FBXO15: variants seen among roughly 807,000 people sequenced by gnomAD.
FBXO15 encodes the protein F-box only protein 15.
A neutral mutation model predicts 49.5 loss-of-function variants in FBXO15; 30 were observed. The ratio of observed to expected loss-of-function variants is 0.61; its 90% CI spans 0.45 to 0.82. The LOEUF is 0.82. Among genes scored for constraint, FBXO15 ranks in the 40% least tolerant of loss-of-function variants. FBXO15 has a pLI of 0.00. For synonymous variants in FBXO15, 250 were observed against 232.7 expected, an observed-to-expected ratio of 1.07 and a Z score of -0.68; for missense variants, 591 against 631.5, an observed-to-expected ratio of 0.94 and a Z score of 0.69.
At position 74,082,070 on chromosome 18, in the gene FBXO15, G is replaced by A. The variant is rs148961529; in HGVS notation, c.1139-19C>T. On this transcript the variant is annotated intron_variant, in intron 8 of 9. Transcript: ENST00000419743. The stretch of plus-strand genomic sequence containing the variant: ...ATATTTCCTGAAAAGATATAAGATT[G>A]TTTCAATCACTGTCTTCCAGTGCAA... The A allele has an allele frequency of 9.6e-3, 15,460 of 1,605,344 alleles. 121 individuals are homozygous for A. The highest frequency in any genetic ancestry group is 0.05 in the Middle Eastern group (302 of 6,018).
intron 8 of FBXO15, among the ~76,000 whole-genome samples, chr18:74,121,046 T>C (rs1377111495): frequency 6.6e-6 from 1 of 152,152 alleles, no homozygotes; most frequent in African/African-American, 2.4e-5. Flanking sequence ...AAGAACTTTA[T>C]GCCAATAAAG....
At chr18:74,087,614 C>T (rs1912803692) in intron 8 of FBXO15, among the ~76,000 whole-genome samples, 1 of 152,214 alleles carries the variant, frequency 6.6e-6, no homozygotes, top group Non-Finnish European at 1.5e-5. Flanking sequence ...CAGTCTACCA[C>T]TGATGGGCAT....
chr18:74,128,881 G>A (rs1978305245), intron 5 of FBXO15, among the ~76,000 whole-genome samples: 2 of 152,158 alleles, frequency 1.3e-5, no homozygotes, highest in Admixed American at 1.3e-4. Flanking sequence ...CTTATTCATT[G>A]CAGTCATATA....
intron 8 of FBXO15, among the ~76,000 whole-genome samples, chr18:74,102,333 G>C (rs1041312275): frequency 1.3e-5 from 2 of 151,966 alleles, no homozygotes; most frequent in African/African-American, 4.8e-5. Context: ...ATATACAAAT[G>C]GCCAACAAAC....
chr18:74,125,768 T>C (rs1046679165), intron 6 of FBXO15, among the ~76,000 whole-genome samples: 4 of 152,066 alleles, frequency 2.6e-5, no homozygotes, highest in Admixed American at 6.6e-5. Flanking sequence ...ATAGCAGAGT[T>C]GTCTATCATA....
intron 8 of FBXO15, among the ~76,000 whole-genome samples, chr18:74,101,855 TAC>T (rs1479954597): frequency 1.1e-4 from 17 of 151,982 alleles, no homozygotes; most frequent in Admixed American, 1.0e-3. Flanking sequence ...AACAAAAACA[TAC>T]AGTGGGGAAA....
chr18:74,087,382 C>T (rs1369711411), intron 8 of FBXO15, among the ~76,000 whole-genome samples: 2 of 152,202 alleles, frequency 1.3e-5, no homozygotes, highest in African/African-American at 4.8e-5. Flanking sequence ...TCTTCACCTT[C>T]CTCCAACCCT....
intron 9 of FBXO15, among the ~76,000 whole-genome samples, chr18:74,080,485 C>T (rs1014378449): frequency 1.3e-5 from 2 of 152,226 alleles, no homozygotes; most frequent in South Asian, 2.1e-4. Flanking sequence ...ACTTTAAAAA[C>T]TCAAAATCCT....
At chr18:74,128,905 G>C (rs1345574387) in intron 5 of FBXO15, among the ~76,000 whole-genome samples, 54 of 152,138 alleles carry the variant, frequency 3.5e-4, no homozygotes, top group Admixed American at 3.5e-3. Flanking sequence ...TAAATACTAT[G>C]CCAGTATAAC....
At chr18:74,137,910 G>A (rs1978820826) in intron 2 of FBXO15, among the ~76,000 whole-genome samples, 1 of 152,130 alleles carries the variant, frequency 6.6e-6, no homozygotes, top group African/African-American at 2.4e-5. Context: ...TTCATATTGT[G>A]GATCTATCCC....
At chr18:74,107,980 G>A (rs532295562) in intron 8 of FBXO15, among the ~76,000 whole-genome samples, 8 of 152,222 alleles carry the variant, frequency 5.3e-5, no homozygotes, top group African/African-American at 7.2e-5. Context: ...ACTGAGAAGC[G>A]CCTGTGAAGT....
intron 5 of FBXO15, among the ~76,000 whole-genome samples, chr18:74,127,092 G>A (rs1978291063): frequency 6.6e-6 from 1 of 152,236 alleles, no homozygotes; most frequent in Admixed American, 6.5e-5. Flanking sequence ...GACTATCACA[G>A]GCTGGTTCTT....
At chr18:74,096,910 G>A (rs1194987367) in intron 8 of FBXO15, 2 of 152,326 alleles carry the variant, frequency 1.3e-5, no homozygotes, top group African/African-American at 4.8e-5. Flanking sequence ...GAGTACCCAA[G>A]CTATGGAAGT....
At chr18:74,082,472 AC>A (rs1196902784) in intron 8 of FBXO15, among the ~76,000 whole-genome samples, 29 of 152,236 alleles carry the variant, frequency 1.9e-4, no homozygotes, top group Non-Finnish European at 4.4e-5. Flanking sequence ...GAGCAGGCGA[AC>A]ATGAAGAGGA....
Position 74,107,175 on chromosome 18 carries a change from G to A in FBXO15, c.1138+16193C>T, listed in dbSNP as rs185410199. Among the ~76,000 whole-genome samples the A allele has an allele frequency of 4.2e-3, 613 of 146,752 alleles. 26 individuals carry two copies. The highest frequency in any genetic ancestry group is 0.038 in the Admixed American group (564 of 14,784). On this transcript the variant is annotated intron_variant, in intron 8 of 9. Coordinates refer to ENST00000419743, the MANE Select transcript of FBXO15 (RefSeq NM_001142958.2). ...GAAAATAATTAAATATATTTATGGGGTACACAGTGATATTCTGTAAAAAAA... is the reference window on the plus strand; with the variant it reads ...GAAAATAATTAAATATATTTATGGGATACACAGTGATATTCTGTAAAAAAA...
intron 8 of FBXO15, among the ~76,000 whole-genome samples, chr18:74,119,526 G>C (rs1166915310): frequency 6.6e-6 from 1 of 152,184 alleles, no homozygotes; most frequent in African/African-American, 2.4e-5. Context: ...TGAGAAATGG[G>C]GAGAGTGAGG....
intron 9 of FBXO15, among the ~76,000 whole-genome samples, chr18:74,073,941 A>G (rs991699752): frequency 6.6e-6 from 1 of 152,166 alleles, no homozygotes; most frequent in African/African-American, 2.4e-5. Context: ...TCAAATATAC[A>G]CAGGAGCTCT....
At chr18:74,129,344 T>C (rs1445622759) in intron 5 of FBXO15, 61 bp downstream of exon 5, 2 of 1,416,050 alleles carry the variant, frequency 1.4e-6, no homozygotes, top group Admixed American at 2.1e-5. Context: ...ACAAAAGTAA[T>C]GCCAACTAAT....
At chr18:74,138,414 T>C (rs1978857180) in intron 2 of FBXO15, among the ~76,000 whole-genome samples, 1 of 152,094 alleles carries the variant, frequency 6.6e-6, no homozygotes, top group African/African-American at 2.4e-5. Context: ...CCGACTGCTC[T>C]TGTGTTGCAG....
Sources: gnomAD v4.1 joint callset for allele counts (sites outside exome capture counted in the v4.1 genomes callset) on GRCh38, gnomAD v4.1.1 for gene constraint, MANE v1.5 for transcripts, NCBI Gene and HGNC (gene_info 2026-07-23, HGNC 2026-07-21) for gene names.